The following CTNND2 variants were observed in gnomAD, a reference collection of about 807,000 sequenced individuals.
CTNND2 encodes catenin delta-2.
In CTNND2, 22 loss-of-function variants were observed where a neutral mutation model predicts 144.4. The observed-to-expected ratio is 0.15, with a 90% CI of 0.11 to 0.22. The LOEUF is 0.22. CTNND2 is among the 10% of genes least tolerant of loss of function. The pLI is 1.00. For missense variants in CTNND2, 1,353 were observed against 1,618.8 expected (o/e 0.84, Z 2.82); for synonymous variants, 751 against 695.6 (o/e 1.08, Z -1.25).
At chr5:11,309,306 C>T (rs976130733) in intron 9 of CTNND2, among the ~76,000 whole-genome samples, 25 of 152,336 alleles carry the variant, frequency 1.6e-4, no homozygotes, top group African/African-American at 6.0e-4. Context: ...GGGGGCTGTA[C>T]CCTGCAGAGC....
At chr5:11,184,444 C>A (rs1191491533) in intron 11 of CTNND2, among the ~76,000 whole-genome samples, 3 of 151,328 alleles carry the variant, frequency 2.0e-5, no homozygotes, top group Non-Finnish European at 4.4e-5. Flanking sequence ...TCCATTTTCT[C>A]AAAAAAAAAT....
At chr5:11,789,045 C>T (rs967433715) in intron 1 of CTNND2, among the ~76,000 whole-genome samples, 4 of 152,180 alleles carry the variant, frequency 2.6e-5, no homozygotes, top group South Asian at 2.1e-4. Flanking sequence ...GTTAGAATGG[C>T]GATCATTAAA....
At chr5:11,577,010 A>G (rs1778023168) in intron 2 of CTNND2, among the ~76,000 whole-genome samples, 1 of 152,216 alleles carries the variant, frequency 6.6e-6, no homozygotes, top group Non-Finnish European at 1.5e-5. Context: ...TATATATATG[A>G]AATGCCGAGA....
At chr5:11,441,264 C>T (rs1764234146) in intron 3 of CTNND2, among the ~76,000 whole-genome samples, 1 of 151,750 alleles carries the variant, frequency 6.6e-6, no homozygotes, top group African/African-American at 2.4e-5. Flanking sequence ...ATTTCACTTG[C>T]CCCGAACAGA....
At chr5:11,836,033 T>C (rs954040664) in intron 1 of CTNND2, among the ~76,000 whole-genome samples, 9 of 152,234 alleles carry the variant, frequency 5.9e-5, no homozygotes, top group African/African-American at 2.2e-4. Flanking sequence ...TTCATTCACT[T>C]GAATGTACTT....
chr5:11,132,377 C>G (rs985331074), intron 12 of CTNND2, among the ~76,000 whole-genome samples: 16 of 152,164 alleles, frequency 1.1e-4, no homozygotes, highest in Admixed American at 2.0e-4. Flanking sequence ...ATTCTAACCC[C>G]CATGTCACAG....
intron 1 of CTNND2, among the ~76,000 whole-genome samples, chr5:11,740,881 T>G (rs56142873): frequency 0.14 from 21,887 of 151,806 alleles, 1,763 homozygotes; most frequent in East Asian, 0.28. Context: ...CAAAGGACAC[T>G]TCTTACAGGC....
At chr5:11,412,158 T>C in intron 3 of CTNND2, 89 bp from the exon 4 acceptor site, 1 of 941,624 alleles carries the variant, frequency 1.1e-6, no homozygotes, top group Non-Finnish European at 1.7e-6. Context: ...CATATTAGGG[T>C]AGTAACAGTG....
chr5:10,990,042 A>G (rs750516703), intron 19 of CTNND2, among the ~76,000 whole-genome samples: 10 of 152,184 alleles, frequency 6.6e-5, no homozygotes, highest in Non-Finnish European at 1.5e-4. Flanking sequence ...CTGGGTACAA[A>G]TGCAATGGCA....
At chr5:11,811,849 C>T (rs1196746902) in intron 1 of CTNND2, among the ~76,000 whole-genome samples, 4 of 152,116 alleles carry the variant, frequency 2.6e-5, no homozygotes, top group Non-Finnish European at 4.4e-5. Context: ...ACAGCAGGAA[C>T]TAGGCAATGT....
At chr5:11,344,190 G>A (rs867824502) in intron 9 of CTNND2, among the ~76,000 whole-genome samples, 1 of 151,838 alleles carries the variant, frequency 6.6e-6, no homozygotes, top group African/African-American at 2.4e-5. Flanking sequence ...GGATCACGAG[G>A]TCAGGAGATC....
chr5:11,256,709 C>T lies in CTNND2; in HGVS notation c.1629-19886G>A, dbSNP rs545649847. The stretch of plus-strand genomic sequence containing the variant: ...CATTCATTAATTCAGCAAACATTTA[C>T]GGGATACCAATGAGGCATAGTGAAT... On this transcript the variant is annotated intron_variant, in intron 9 of 21. Coordinates refer to ENST00000304623, the MANE Select transcript of CTNND2 (RefSeq NM_001332.4). Among the ~76,000 whole-genome samples, 6 of 152,276 alleles carry T rather than the reference C, an allele frequency of 3.9e-5. No individual in the cohort carries two copies. The East Asian group carries it at 9.6e-4, about 24-fold the overall frequency.
chr5:11,796,569 T>G (rs890091301), intron 1 of CTNND2, among the ~76,000 whole-genome samples: 1 of 150,744 alleles, frequency 6.6e-6, no homozygotes, highest in Non-Finnish European at 1.5e-5. Flanking sequence ...TGCTGCTTAA[T>G]TTACTTCTTA....
intron 3 of CTNND2, among the ~76,000 whole-genome samples, chr5:11,498,519 T>C (rs537358869): frequency 4.6e-5 from 7 of 152,276 alleles, no homozygotes; most frequent in African/African-American, 1.7e-4. Context: ...TGCAAAATTA[T>C]TTCACTTACA....
intron 2 of CTNND2, among the ~76,000 whole-genome samples, chr5:11,567,159 T>G (rs1581515345): frequency 6.6e-6 from 1 of 152,108 alleles, no homozygotes; most frequent in East Asian, 1.9e-4. Context: ...TTGTATTTTT[T>G]TATTTTTTTT....
intron 5 of CTNND2, among the ~76,000 whole-genome samples, chr5:11,410,108 C>T (rs868478749): frequency 6.6e-6 from 1 of 152,074 alleles, no homozygotes; most frequent in Non-Finnish European, 1.5e-5. Context: ...AAGATGAATG[C>T]ATGTGTTTCA....
intron 3 of CTNND2, among the ~76,000 whole-genome samples, chr5:11,510,789 G>A (rs889255435): frequency 3.9e-5 from 6 of 151,912 alleles, no homozygotes; most frequent in Non-Finnish European, 5.9e-5. Context: ...AAATTAGCCG[G>A]GCATGGTGGC....
intron 18 of CTNND2, among the ~76,000 whole-genome samples, chr5:10,999,530 A>G (rs1739703518): frequency 6.6e-6 from 1 of 152,288 alleles, no homozygotes; most frequent in Non-Finnish European, 1.5e-5. Flanking sequence ...AAGGGCCATG[A>G]ATCCTTCCTA....
intron 2 of CTNND2, among the ~76,000 whole-genome samples, chr5:11,569,950 C>A (rs1285351197): frequency 6.6e-6 from 1 of 152,172 alleles, no homozygotes; most frequent in African/African-American, 2.4e-5. Flanking sequence ...AATGTTTCAG[C>A]TATTTATAAG....
Sources: allele counts gnomAD v4.1 joint callset (sites outside exome capture counted in the v4.1 genomes callset), GRCh38; gene constraint gnomAD v4.1.1; transcripts MANE v1.5; gene names NCBI Gene and HGNC (gene_info 2026-07-23, HGNC 2026-07-21).